Variants in FOXN2 observed in about 807,000 individuals in gnomAD.
FOXN2 encodes the protein forkhead box protein N2.
A neutral mutation model predicts 41.2 loss-of-function variants in FOXN2; 19 were observed. The ratio of observed to expected loss-of-function variants is 0.46; its 90% CI spans 0.32 to 0.68. The LOEUF (loss-of-function observed/expected upper bound fraction) is 0.68. Among genes scored for constraint, FOXN2 ranks in the 30% least tolerant of loss-of-function variants. FOXN2 has a pLI of 0.03. For missense variants in FOXN2, 587 were observed against 509.4 expected (o/e 1.15, Z -1.47); for synonymous variants, 195 against 176.8 (o/e 1.10, Z -0.82).
intron 5 of FOXN2, among the ~76,000 whole-genome samples, 158 bp from the exon 6 acceptor site, chr2:48,373,134 A>G (rs1287185277): frequency 6.6e-6 from 1 of 152,180 alleles, no homozygotes; most frequent in Non-Finnish European, 1.5e-5. Flanking sequence ...CAGACTTCAG[A>G]ATAATATATA....
intron 1 of FOXN2, among the ~76,000 whole-genome samples, chr2:48,327,678 C>G (rs1194322072): frequency 1.3e-5 from 2 of 152,304 alleles, no homozygotes; most frequent in Admixed American, 6.5e-5. Context: ...CTCCCTACCT[C>G]AGGTGATCCA....
intron 1 of FOXN2, among the ~76,000 whole-genome samples, chr2:48,324,165 T>C (rs1558611163): frequency 6.6e-6 from 1 of 152,016 alleles, no homozygotes; most frequent in East Asian, 1.9e-4. Context: ...CGCATAGTAT[T>C]CTGTACGTGA....
chr2:48,325,931 CTG>C (rs1288862687), intron 1 of FOXN2, among the ~76,000 whole-genome samples: 1 of 145,406 alleles, frequency 6.9e-6, no homozygotes, highest in Admixed American at 7.1e-5. Flanking sequence ...TCACTGCAAA[CTG>C]TGTCTCCCAG....
intron 2 of FOXN2, among the ~76,000 whole-genome samples, chr2:48,330,292 A>G (rs1473334932): frequency 6.6e-6 from 1 of 152,160 alleles, no homozygotes; most frequent in East Asian, 1.9e-4. Context: ...AGGTGAGGAA[A>G]GGAGAGGAAA....
intron 5 of FOXN2, among the ~76,000 whole-genome samples, chr2:48,368,558 G>T (rs556348375): frequency 6.6e-5 from 10 of 152,222 alleles, no homozygotes; most frequent in African/African-American, 1.7e-4. Flanking sequence ...CGGGCGTGGT[G>T]GTACACACCT....
Position 48,375,812 on chromosome 2 carries a change from C to T in FOXN2, c.*369C>T. The stretch of plus-strand genomic sequence containing the variant: ...GATAAATTTTTTTCATTTTCTTTTC[C>T]AATCTGTAACTATAGTTACTGAACC... On this transcript the variant is annotated 3_prime_UTR_variant, in exon 7 of 7. Transcript: ENST00000340553. 1 of 167,652 alleles carries T rather than the reference C, an allele frequency of 6.0e-6. No homozygotes were observed. The highest frequency in any genetic ancestry group is 5.8e-5 in the Admixed American group (1 of 17,124). The allele number at this position is 167,652 out of a possible 1,614,324, so 10.4% of individuals were successfully genotyped here. A position where few individuals can be genotyped will look rare whatever the true frequency, so the allele number is the denominator to read the frequency against.
intron 2 of FOXN2, among the ~76,000 whole-genome samples, chr2:48,340,244 A>T (rs1572724780): frequency 6.6e-6 from 1 of 152,158 alleles, no homozygotes; most frequent in Non-Finnish European, 1.5e-5. Flanking sequence ...ATTCTCTGTA[A>T]TGCAGCATAT....
chr2:48,344,991 C>A (rs2104363325), intron 2 of FOXN2, among the ~76,000 whole-genome samples: 2 of 152,136 alleles, frequency 1.3e-5, no homozygotes, highest in Admixed American at 6.5e-5. Flanking sequence ...CTTCTCTGGT[C>A]TGTTATTGTC....
At chr2:48,336,808 AT>A (rs200367114) in intron 2 of FOXN2, among the ~76,000 whole-genome samples, 5 of 149,868 alleles carry the variant, frequency 3.3e-5, no homozygotes, top group Admixed American at 6.7e-5. Flanking sequence ...ACACCTGGCA[AT>A]TTTTTTTTTA....
intron 1 of FOXN2, 138 bp from the exon 2 acceptor site, chr2:48,328,423 A>G (rs191788138): frequency 3.3e-5 from 5 of 152,330 alleles, no homozygotes; most frequent in African/African-American, 7.2e-5. Context: ...TACTTATAAT[A>G]CCTAATACAA....
intron 2 of FOXN2, among the ~76,000 whole-genome samples, chr2:48,331,434 T>C (rs2104228035): frequency 6.6e-6 from 1 of 152,322 alleles, no homozygotes; most frequent in African/African-American, 2.4e-5. Flanking sequence ...TTTAAAGGTA[T>C]TGAACTCATA....
intron 2 of FOXN2, among the ~76,000 whole-genome samples, chr2:48,344,846 C>CA (rs1670996403): frequency 6.7e-6 from 1 of 149,066 alleles, no homozygotes; most frequent in East Asian, 2.0e-4. Context: ...AGGTACCCCC[C>CA]CCCCCCAATT....
Position 48,377,288 on chromosome 2 carries a change from A to T in FOXN2, c.*1845A>T, listed in dbSNP as rs1365120254. 6.6e-6 allele frequency: 1 copy of T among 152,040 alleles called. No homozygotes were observed. The highest frequency in any genetic ancestry group is 2.4e-5 in the African/African-American group (1 of 41,448). 9.4% of individuals were successfully genotyped at this position (152,040 alleles called of 1,614,324 possible). A position where few individuals can be genotyped will look rare whatever the true frequency, so the allele number is the denominator to read the frequency against. ...AAGTTAACTTTTATTATAGACAGTG[A>T]ATAAAACACCAAAAACCCAAAAATG... On this transcript the variant is annotated 3_prime_UTR_variant, in exon 7 of 7. Transcript: ENST00000340553.
In FOXN2 at chr2:48,378,910, T is replaced by C. The variant is rs1160200125; in HGVS notation, c.*3467T>C. ...GTTGTACATTTCTTATTAAACTAAG[T>C]GCTTAATTTTAAAGTATTATGTTGC... is the stretch of plus-strand genomic sequence containing the variant. On this transcript the variant is annotated 3_prime_UTR_variant, in exon 7 of 7. Transcript: ENST00000340553. 6.6e-6 allele frequency: 1 copy of C among 152,618 alleles called. No homozygotes were observed. Among genetic ancestry groups the C allele is most frequent in the East Asian group, 1.9e-4 (1 of 5,202 alleles). The allele number at this position is 152,618 out of a possible 1,614,324, so 9.5% of individuals were successfully genotyped here. A position where few individuals can be genotyped will look rare whatever the true frequency, so the allele number is the denominator to read the frequency against.
chr2:48,325,912 G>A (rs1486811592), intron 1 of FOXN2, among the ~76,000 whole-genome samples: 2 of 148,618 alleles, frequency 1.3e-5, no homozygotes, highest in African/African-American at 2.5e-5. Context: ...GCAGTGGTGC[G>A]ATTTTGGCTC....
At chr2:48,361,850 GGA>G (rs1672209127) in intron 4 of FOXN2, among the ~76,000 whole-genome samples, 1 of 152,034 alleles carries the variant, frequency 6.6e-6, no homozygotes, top group African/African-American at 2.4e-5. Context: ...AATAAAATCA[GGA>G]ACATACCTGT....
chr2:48,348,260 G>T (rs1396718060), intron 3 of FOXN2, among the ~76,000 whole-genome samples: 1 of 151,426 alleles, frequency 6.6e-6, no homozygotes, highest in African/African-American at 2.4e-5. Context: ...TCTTAGTTTG[G>T]ATAATTTTTA....
intron 3 of FOXN2, among the ~76,000 whole-genome samples, chr2:48,354,452 T>C (rs1671654898): frequency 2.0e-5 from 3 of 152,112 alleles, no homozygotes; most frequent in Non-Finnish European, 4.4e-5. Context: ...ATACAAAAAT[T>C]AGCTGGGTGT....
At position 48,376,856 on chromosome 2, in the gene FOXN2, AT is replaced by A. The variant is rs963139069; in HGVS notation, c.*1415del. 10 of 152,556 alleles carry A rather than the reference AT, an allele frequency of 6.6e-5. No homozygotes were observed. Among genetic ancestry groups the A allele is most frequent in the Admixed American group, 6.5e-4 (10 of 15,274 alleles). 9.5% of individuals were successfully genotyped at this position (152,556 alleles called of 1,614,324 possible). ...AGTCATAGACAATGACCTTGTTTTC[AT>A]TATTCTGATAGATTGTATACATATG... On this transcript the variant is annotated 3_prime_UTR_variant, in exon 7 of 7. Transcript: ENST00000340553.
Sources: allele counts gnomAD v4.1 joint callset (sites outside exome capture counted in the v4.1 genomes callset), GRCh38; gene constraint gnomAD v4.1.1; transcripts MANE v1.5; gene names NCBI Gene and HGNC (gene_info 2026-07-23, HGNC 2026-07-21).